The following MAGI1 variants were observed in gnomAD, a reference collection of about 807,000 sequenced individuals.
The protein encoded by MAGI1 is membrane associated guanylate kinase, WW and PDZ domain containing 1.
A neutral mutation model predicts 139.9 loss-of-function variants in MAGI1; 58 were observed. The observed-to-expected ratio is 0.41, with a 90% confidence interval of 0.34 to 0.52. MAGI1 has a LOEUF of 0.52. MAGI1 is among the 20% of genes least tolerant of loss of function. MAGI1 has a pLI of 0.12. For missense variants in MAGI1, 1,874 were observed against 1,901.6 expected, an observed-to-expected ratio of 0.99 and a Z score of 0.27; for synonymous variants, 812 against 737.9, an observed-to-expected ratio of 1.10 and a Z score of -1.63.
intron 1 of MAGI1, among the ~76,000 whole-genome samples, chr3:65,834,064 C>T (rs2042673366): frequency 6.6e-6 from 1 of 152,218 alleles, no homozygotes; most frequent in Admixed American, 6.5e-5. Context: ...GTAATTCCCA[C>T]TTTTCTGCAG....
chr3:65,887,033 C>T (rs2060561837), intron 1 of MAGI1, among the ~76,000 whole-genome samples: 1 of 152,130 alleles, frequency 6.6e-6, no homozygotes, highest in African/African-American at 2.4e-5. Flanking sequence ...TCATAAAATA[C>T]AAGGTGCACT....
At chr3:65,779,203 G>C (rs778155980) in intron 1 of MAGI1, among the ~76,000 whole-genome samples, 44 of 152,148 alleles carry the variant, frequency 2.9e-4, no homozygotes, top group Admixed American at 1.5e-3. Context: ...TTAAGTTTAC[G>C]CTTCAGTACA....
intron 2 of MAGI1, among the ~76,000 whole-genome samples, chr3:65,589,891 C>T (rs150441301): frequency 6.6e-6 from 1 of 151,896 alleles, no homozygotes; most frequent in Non-Finnish European, 1.5e-5. Context: ...TTCCAAGACA[C>T]CCATCACCTT....
chr3:66,029,936 G>A (rs896081122), intron 1 of MAGI1, among the ~76,000 whole-genome samples: 28 of 152,120 alleles, frequency 1.8e-4, no homozygotes, highest in Admixed American at 2.6e-4. Context: ...CCTTGTTACC[G>A]TCATTTCCCA....
intron 1 of MAGI1, among the ~76,000 whole-genome samples, chr3:66,009,492 A>C (rs2067209815): frequency 6.6e-6 from 1 of 152,120 alleles, no homozygotes. Context: ...CCTGGGCGAC[A>C]AGAGTAAAAC....
chr3:65,573,122 CA>C (rs112543472), intron 2 of MAGI1, among the ~76,000 whole-genome samples: 14,837 of 152,080 alleles, frequency 0.098, 942 homozygotes, highest in East Asian at 0.16. Flanking sequence ...ATTCCTTTCA[CA>C]AAACTATAAA....
At chr3:65,992,127 T>G (rs2066214783) in intron 1 of MAGI1, among the ~76,000 whole-genome samples, 1 of 152,184 alleles carries the variant, frequency 6.6e-6, no homozygotes, top group Non-Finnish European at 1.5e-5. Context: ...AGTTTGGTCA[T>G]GGGTAAGTTA....
intron 1 of MAGI1, among the ~76,000 whole-genome samples, chr3:65,818,043 AGTGT>A (rs57082137): frequency 0.051 from 7,556 of 149,146 alleles, 239 homozygotes; most frequent in African/African-American, 0.079. Flanking sequence ...TAAAATTATG[AGTGT>A]GTGTGTGTGT....
chr3:65,729,496 G>C (rs1189926298), intron 1 of MAGI1, among the ~76,000 whole-genome samples: 4 of 152,200 alleles, frequency 2.6e-5, no homozygotes, highest in Middle Eastern at 6.8e-3. Flanking sequence ...TTTAAGATTT[G>C]GTTTTATCTG....
chr3:65,572,560 G>A (rs1267956553), intron 2 of MAGI1, among the ~76,000 whole-genome samples: 2 of 152,112 alleles, frequency 1.3e-5, no homozygotes, highest in Non-Finnish European at 2.9e-5. Context: ...GCAAGAGGCT[G>A]CCTGTCAAAC....
intron 6 of MAGI1, 122 bp from the exon 7 acceptor site, chr3:65,448,179 T>G: frequency 1.2e-6 from 1 of 868,392 alleles, no homozygotes; most frequent in Admixed American, 1.8e-5. Context: ...AGTTCATCCT[T>G]ACCTGCATTG....
intron 1 of MAGI1, among the ~76,000 whole-genome samples, chr3:66,026,037 C>T (rs1249850600): frequency 1.4e-5 from 2 of 142,070 alleles, no homozygotes; most frequent in Non-Finnish European, 3.1e-5. Context: ...CCGGAGAAAG[C>T]TTTTTTTTTT....
chr3:65,750,271 C>T (rs980724540), intron 1 of MAGI1, among the ~76,000 whole-genome samples: 18 of 152,258 alleles, frequency 1.2e-4, no homozygotes, highest in Non-Finnish European at 2.2e-4. Flanking sequence ...AAAGGAGTTA[C>T]ATATGTGATG....
At chr3:65,742,811 T>A (rs1379991297) in intron 1 of MAGI1, among the ~76,000 whole-genome samples, 1 of 152,214 alleles carries the variant, frequency 6.6e-6, no homozygotes, top group Non-Finnish European at 1.5e-5. Context: ...CCTACAGCAT[T>A]TGTCATACAG....
At chr3:65,967,827 G>A (rs924066981) in intron 1 of MAGI1, among the ~76,000 whole-genome samples, 1 of 152,184 alleles carries the variant, frequency 6.6e-6, no homozygotes, top group Middle Eastern at 3.2e-3. Flanking sequence ...ACCTCCCAGG[G>A]GATGGAAGGG....
intron 1 of MAGI1, among the ~76,000 whole-genome samples, chr3:65,942,218 G>GAAA (rs200308984): frequency 7.1e-6 from 1 of 140,944 alleles, no homozygotes; most frequent in South Asian, 2.2e-4. Flanking sequence ...ACCATTTGCA[G>GAAA]AAAAAAAAAA....
At chr3:65,774,648 T>A (rs1366119934) in intron 1 of MAGI1, among the ~76,000 whole-genome samples, 1 of 152,176 alleles carries the variant, frequency 6.6e-6, no homozygotes, top group Non-Finnish European at 1.5e-5. Context: ...ACATTTCACA[T>A]CTGCTTGCCT....
At chr3:65,431,781 T>C (rs1369324870) in intron 10 of MAGI1, among the ~76,000 whole-genome samples, 1 of 151,182 alleles carries the variant, frequency 6.6e-6, no homozygotes. Context: ...AGGTCAGGAG[T>C]TCAAAACCAA....
At chr3:65,548,450 C>A (rs1228920047) in intron 2 of MAGI1, among the ~76,000 whole-genome samples, 6 of 151,170 alleles carry the variant, frequency 4.0e-5, no homozygotes, top group African/African-American at 1.5e-4. Context: ...CACAAAAGGG[C>A]CTCCCTTTTC....
Sources: gnomAD v4.1 joint callset for allele counts (sites outside exome capture counted in the v4.1 genomes callset) on GRCh38, gnomAD v4.1.1 for gene constraint, MANE v1.5 for transcripts, NCBI Gene and HGNC (gene_info 2026-07-23, HGNC 2026-07-21) for gene names.